Variants in RPS6KC1 observed in about 807,000 individuals in gnomAD.
RPS6KC1 encodes ribosomal protein S6 kinase C1, also known as inactive ribosomal protein S6 kinase delta-1.
A neutral mutation model predicts 103.8 loss-of-function variants in RPS6KC1; 54 were observed. The observed-to-expected ratio is 0.52, with a 90% CI of 0.42 to 0.65. The LOEUF is 0.65. RPS6KC1 is among the 30% of genes least tolerant of loss of function. The pLI, the probability that RPS6KC1 is intolerant of heterozygous loss-of-function variation, is 0.00. For synonymous variants in RPS6KC1, 439 were observed against 438.7 expected (o/e 1.00, Z -0.01); for missense variants, 1,151 against 1,253.8 (o/e 0.92, Z 1.24).
intron 1 of RPS6KC1, among the ~76,000 whole-genome samples, 164 bp downstream of exon 1, chr1:213,051,673 T>G (rs903282590): frequency 1.3e-5 from 2 of 151,680 alleles, no homozygotes; most frequent in Middle Eastern, 3.2e-3. Flanking sequence ...ATTTTTAGAG[T>G]AGTGGCTGAG....
chr1:213,383,636 C>T, the RPS6KC1 span, among the ~76,000 whole-genome samples: 1 of 152,088 alleles, frequency 6.6e-6, no homozygotes, highest in Non-Finnish European at 1.5e-5. Flanking sequence ...GACCGGGCCT[C>T]TAAGGAAGGA....
At chr1:213,725,656 G>A in the RPS6KC1 span, among the ~76,000 whole-genome samples, 6 of 152,298 alleles carry the variant, frequency 3.9e-5, no homozygotes, top group South Asian at 1.0e-3. Context: ...AAGACTGGAA[G>A]TTAACTAAAA....
the RPS6KC1 span, among the ~76,000 whole-genome samples, chr1:213,422,048 C>G: frequency 6.6e-6 from 1 of 152,130 alleles, no homozygotes; most frequent in Admixed American, 6.5e-5. Context: ...ATAAAAGTTA[C>G]CATTGAAACC....
the RPS6KC1 span, among the ~76,000 whole-genome samples, chr1:213,433,708 T>C: frequency 2.6e-5 from 4 of 152,248 alleles, no homozygotes; most frequent in African/African-American, 4.8e-5. Flanking sequence ...ACATTAATTT[T>C]AATTTCCCAA....
At chr1:213,286,988 G>A in the RPS6KC1 span, among the ~76,000 whole-genome samples, 1 of 152,150 alleles carries the variant, frequency 6.6e-6, no homozygotes, top group Non-Finnish European at 1.5e-5. Flanking sequence ...CAGGTAATTT[G>A]TAAAGAAATG....
chr1:213,244,854 T>C (rs1048038941), intron 12 of RPS6KC1, among the ~76,000 whole-genome samples: 6 of 152,216 alleles, frequency 3.9e-5, no homozygotes, highest in African/African-American at 1.4e-4. Flanking sequence ...AGCTGTAGTC[T>C]GAAGAGGTGC....
chr1:213,552,814 C>T, the RPS6KC1 span, among the ~76,000 whole-genome samples: 1 of 152,122 alleles, frequency 6.6e-6, no homozygotes, highest in African/African-American at 2.4e-5. Context: ...CGGAGGAAAG[C>T]AGTTGCAAAC....
At chr1:213,184,197 A>AT (rs2092421121) in intron 8 of RPS6KC1, among the ~76,000 whole-genome samples, 1 of 152,090 alleles carries the variant, frequency 6.6e-6, no homozygotes, top group Non-Finnish European at 1.5e-5. Context: ...AGTTTTACAC[A>AT]TTTTCTTCCT....
intron 6 of RPS6KC1, among the ~76,000 whole-genome samples, chr1:213,161,017 A>G (rs1453708320): frequency 6.6e-6 from 1 of 152,238 alleles, no homozygotes; most frequent in Non-Finnish European, 1.5e-5. Context: ...AGTGGTGGCA[A>G]GTAATTTATA....
chr1:213,344,368 TAAAAG>T, the RPS6KC1 span, among the ~76,000 whole-genome samples: 1 of 152,170 alleles, frequency 6.6e-6, no homozygotes, highest in Non-Finnish European at 1.5e-5. Context: ...TCTCAAAAGA[TAAAAG>T]AAGAGAATTT....
chr1:213,519,381 G>A, the RPS6KC1 span, among the ~76,000 whole-genome samples: 2 of 152,190 alleles, frequency 1.3e-5, no homozygotes, highest in Admixed American at 6.5e-5. Flanking sequence ...GTTTGCAGTA[G>A]CCATACGTTT....
the RPS6KC1 span, among the ~76,000 whole-genome samples, chr1:213,303,199 C>T: frequency 5.3e-5 from 8 of 152,100 alleles, no homozygotes; most frequent in South Asian, 2.1e-4. Flanking sequence ...GGCTGCAGAC[C>T]GAAGAAAGGG....
chr1:213,155,584 A>G (rs999929143), intron 6 of RPS6KC1, among the ~76,000 whole-genome samples: 7 of 151,984 alleles, frequency 4.6e-5, no homozygotes, highest in Non-Finnish European at 1.5e-5. Context: ...TCCCTCCCCC[A>G]GACGCTCTCA....
rs1255175320 is a variant in RPS6KC1 at position 213,205,456 on chromosome 1, T to A, written c.1045-25041T>A. ...GGGAAGTAGCCCTCTTAATCAAAGC[T>A]TTAAGAACGACCAAGAACCTAAGGA... On this transcript the variant is annotated intron_variant, in intron 8 of 14. Coordinates refer to ENST00000366960, the MANE Select transcript of RPS6KC1 (RefSeq NM_012424.6). 6.0e-6 allele frequency: 5 copies of A among 832,700 alleles called. No individual in the cohort carries two copies. In the African/African-American group the frequency reaches 9.4e-5, roughly 16 times the overall value. The allele number at this position is 832,700 out of a possible 1,614,324, so 51.6% of individuals were successfully genotyped here.
the RPS6KC1 span, among the ~76,000 whole-genome samples, chr1:213,637,855 T>C: frequency 2.9e-4 from 44 of 152,224 alleles, no homozygotes; most frequent in Admixed American, 2.6e-3. Context: ...AGTGTCTCAC[T>C]CGTTTGCCTA....
the RPS6KC1 span, among the ~76,000 whole-genome samples, chr1:213,726,998 C>G: frequency 1.3e-5 from 2 of 152,172 alleles, no homozygotes; most frequent in Non-Finnish European, 2.9e-5. Flanking sequence ...CATGAGACCC[C>G]CTCAGCCATG....
the RPS6KC1 span, among the ~76,000 whole-genome samples, chr1:213,389,665 G>A: frequency 6.6e-6 from 1 of 152,140 alleles, no homozygotes; most frequent in East Asian, 1.9e-4. Context: ...CTGAACATCC[G>A]TGGCTCCCTT....
At chr1:213,612,619 G>A in the RPS6KC1 span, among the ~76,000 whole-genome samples, 1 of 152,188 alleles carries the variant, frequency 6.6e-6, no homozygotes, top group Admixed American at 6.5e-5. Flanking sequence ...GATAGATTTT[G>A]AGTCAATACT....
chr1:213,360,366 G>A, the RPS6KC1 span, among the ~76,000 whole-genome samples: 5 of 152,256 alleles, frequency 3.3e-5, no homozygotes, highest in African/African-American at 1.2e-4. Context: ...TGAAGCTTGT[G>A]CATTTGTCAC....
Sources: allele counts gnomAD v4.1 joint callset (sites outside exome capture counted in the v4.1 genomes callset), GRCh38; gene constraint gnomAD v4.1.1; transcripts MANE v1.5; gene names NCBI Gene and HGNC (gene_info 2026-07-23, HGNC 2026-07-21).